The following ATG7 variants were observed in gnomAD, a reference collection of about 807,000 sequenced individuals.
ATG7 encodes ubiquitin-like modifier-activating enzyme ATG7.
In ATG7, 70 loss-of-function variants were observed where a neutral mutation model predicts 82.4. That is an observed-to-expected ratio of 0.85 (90% CI 0.70 to 1.04). The LOEUF is 1.04. Ranked by LOEUF, ATG7 falls within the 50% of genes least tolerant of loss-of-function variation. The pLI, the probability that ATG7 is intolerant of heterozygous loss-of-function variation, is 0.00. For synonymous variants in ATG7, 287 were observed against 313.0 expected, an observed-to-expected ratio of 0.92 and a Z score of 0.88; for missense variants, 792 against 864.3, an observed-to-expected ratio of 0.92 and a Z score of 1.05.
chr3:11,461,050 C>G (rs751388219), intron 20 of ATG7, among the ~76,000 whole-genome samples: 3 of 152,254 alleles, frequency 2.0e-5, no homozygotes, highest in Non-Finnish European at 4.4e-5. Context: ...TGGATGAATC[C>G]AATCTACCAC....
At chr3:11,501,726 G>C (rs2091337649) in intron 20 of ATG7, among the ~76,000 whole-genome samples, 1 of 152,132 alleles carries the variant, frequency 6.6e-6, no homozygotes, top group Non-Finnish European at 1.5e-5. Context: ...GTCTCCCTCT[G>C]TTGCCCAGGC....
rs185602601 is a variant in ATG7 at position 11,368,855 on chromosome 3, T to C, written c.1875+4121T>C. ...GACCAAGCAGTTCACATCTTTTGTC[T>C]TTAGGTGAATGAACTCTTGGTTCTA... On this transcript the variant is annotated intron_variant, in intron 18 of 20. Transcript: ENST00000693202. Among the ~76,000 whole-genome samples the C allele has an allele frequency of 1.7e-4, 25 of 151,300 alleles. 3 individuals carry two copies. Among genetic ancestry groups the C allele is most frequent in the African/African-American group, 6.1e-4 (25 of 41,054 alleles).
chr3:11,303,611 T>C (rs2152699867), intron 5 of ATG7, among the ~76,000 whole-genome samples: 1 of 149,484 alleles, frequency 6.7e-6, no homozygotes, highest in South Asian at 2.1e-4. Flanking sequence ...GAGCTTGCAG[T>C]GAGCCGAGAT....
the ATG7 span, chr3:11,564,959 G>C: frequency 6.4e-7 from 1 of 1,561,052 alleles, no homozygotes; most frequent in South Asian, 1.2e-5. Context: ...CAGCGCGCTC[G>C]ATGGGGCTGC....
the ATG7 span, chr3:11,564,705 C>T: frequency 6.9e-7 from 1 of 1,443,218 alleles, no homozygotes; most frequent in Non-Finnish European, 9.3e-7. Context: ...TCCCTCACCA[C>T]CGCCCTCGGA....
At chr3:11,562,525 G>A (rs1311009942), downstream of ATG7, among the ~76,000 whole-genome samples, 1 of 152,216 alleles carries the variant, frequency 6.6e-6, no homozygotes, top group Non-Finnish European at 1.5e-5. Flanking sequence ...CTGAGCTGCA[G>A]GATGACACCC....
At chr3:11,457,127 C>CTAAGAAAAGACCTTA (rs2085810945) in intron 20 of ATG7, among the ~76,000 whole-genome samples, 2 of 152,188 alleles carry the variant, frequency 1.3e-5, no homozygotes, top group South Asian at 4.1e-4. Flanking sequence ...CCTTTTCTCC[C>CTAAGAAAAGACCTTA]TTGATCAGAC....
the ATG7 span, among the ~76,000 whole-genome samples, chr3:11,562,895 G>T: frequency 1.3e-5 from 2 of 152,166 alleles, no homozygotes; most frequent in Non-Finnish European, 2.9e-5. Flanking sequence ...CTTCCTCCTA[G>T]GAAAGCTGCT....
the ATG7 span, chr3:11,568,709 C>A: frequency 6.5e-7 from 1 of 1,548,664 alleles, no homozygotes; most frequent in South Asian, 1.2e-5. This position sits in a 1 kb window ranked among gnomAD's most constrained non-coding sequence, Gnocchi z 5.9. Flanking sequence ...TCCCAGGCGT[C>A]ATGTGCTCCC....
At chr3:11,459,456 TTCTGGACGTCTTTA>T (rs985001858) in intron 20 of ATG7, among the ~76,000 whole-genome samples, 2 of 151,724 alleles carry the variant, frequency 1.3e-5, no homozygotes, top group African/African-American at 4.8e-5. Flanking sequence ...AAATAATTAA[TTCTGGACGTCTTTA>T]GAATGAGAAT....
intron 20 of ATG7, among the ~76,000 whole-genome samples, chr3:11,442,739 C>CAAAAAAAAAAAAA (rs57073881): frequency 1.4e-5 from 1 of 69,252 alleles, no homozygotes; most frequent in African/African-American, 5.7e-5. Context: ...TCCATCTCTA[C>CAAAAAAAAAAAAA]AAAAAAAAAA....
chr3:11,521,503 G>A (rs1202186942), intron 20 of ATG7, among the ~76,000 whole-genome samples: 1 of 151,978 alleles, frequency 6.6e-6, no homozygotes, highest in Non-Finnish European at 1.5e-5. Flanking sequence ...CTGGTCTGCT[G>A]CCAGGGCTGC....
At chr3:11,429,111 T>C (rs1202040532) in intron 20 of ATG7, among the ~76,000 whole-genome samples, 1 of 152,228 alleles carries the variant, frequency 6.6e-6, no homozygotes, top group East Asian at 1.9e-4. Flanking sequence ...GATGGTAAAC[T>C]GTTTGGCCTG....
At chr3:11,546,850 G>T (rs762014614) in intron 20 of ATG7, among the ~76,000 whole-genome samples, 17 of 152,220 alleles carry the variant, frequency 1.1e-4, no homozygotes, top group Non-Finnish European at 2.4e-4. Context: ...AGGTGCTCAG[G>T]TCAGGCTGAC....
intron 20 of ATG7, among the ~76,000 whole-genome samples, chr3:11,471,745 C>CTTTTTTTTTTTTTTTTTTTT (rs200590021): frequency 9.5e-6 from 1 of 105,710 alleles, no homozygotes; most frequent in Non-Finnish European, 1.8e-5. Context: ...TTTTAGATTT[C>CTTTTTTTTTTTTTTTTTTTT]TTTTTTTTTT....
intron 20 of ATG7, among the ~76,000 whole-genome samples, chr3:11,467,932 G>C (rs535374318): frequency 6.6e-6 from 1 of 152,158 alleles, no homozygotes; most frequent in East Asian, 1.9e-4. Context: ...CTCCCCCAGT[G>C]TCATGGCTAA....
chr3:11,401,634 A>T (rs2152896328), intron 19 of ATG7, among the ~76,000 whole-genome samples: 1 of 152,322 alleles, frequency 6.6e-6, no homozygotes, highest in East Asian at 1.9e-4. Flanking sequence ...AGAATGCCAT[A>T]GAATCCTTCT....
At chr3:11,309,211 G>T (rs761175505) in intron 7 of ATG7, 150 bp downstream of exon 7, 156 of 803,110 alleles carry the variant, frequency 1.9e-4, no homozygotes, top group Non-Finnish European at 2.9e-4. Context: ...TTTGATTAGT[G>T]GCCAGATAGT....
intron 20 of ATG7, among the ~76,000 whole-genome samples, chr3:11,540,915 GGA>G (rs1250353198): frequency 3.9e-5 from 5 of 129,088 alleles, no homozygotes; most frequent in South Asian, 2.8e-4. Context: ...TTTGGGGGGG[GGA>G]GGGGGGGAGT....
Sources: gnomAD v4.1 joint callset for allele counts (sites outside exome capture counted in the v4.1 genomes callset) on GRCh38, gnomAD v4.1.1 for gene constraint, Gnocchi (gnomAD v3.1) non-coding constraint, MANE v1.5 for transcripts, NCBI Gene and HGNC (gene_info 2026-07-23, HGNC 2026-07-21) for gene names.